CIMIP2C: variants seen among roughly 807,000 people sequenced by gnomAD.
The protein encoded by CIMIP2C is UPF0573 protein C2orf70.
the CIMIP2C span, among the ~76,000 whole-genome samples, chr2:26,565,215 T>C: frequency 6.6e-6 from 1 of 152,032 alleles, no homozygotes; most frequent in African/African-American, 2.4e-5. Context: ...CTCAGCCTCC[T>C]GAGTAGCTGG....
At chr2:26,577,607 G>A in the CIMIP2C span, 24 of 1,613,894 alleles carry the variant, frequency 1.5e-5, no homozygotes, top group Middle Eastern at 1.7e-4. Context: ...GAGCCGGAAC[G>A]GTACCCCCTC....
the CIMIP2C span, among the ~76,000 whole-genome samples, chr2:26,576,507 A>T: frequency 3.3e-5 from 5 of 152,162 alleles, no homozygotes; most frequent in East Asian, 9.7e-4. Context: ...AGTCTCTTGG[A>T]TCTGTGGAAT....
chr2:26,571,513 C>T, the CIMIP2C span, among the ~76,000 whole-genome samples: 2 of 152,186 alleles, frequency 1.3e-5, no homozygotes, highest in African/African-American at 4.8e-5. Flanking sequence ...TTGGGGAAGG[C>T]AGGCTGAGCA....
the CIMIP2C span, among the ~76,000 whole-genome samples, chr2:26,574,215 G>A: frequency 6.6e-6 from 1 of 152,298 alleles, no homozygotes; most frequent in African/African-American, 2.4e-5. Flanking sequence ...ATCACAGATG[G>A]CCTCGAATGC....
chr2:26,567,128 C>T, the CIMIP2C span, among the ~76,000 whole-genome samples: 1 of 152,210 alleles, frequency 6.6e-6, no homozygotes, highest in East Asian at 1.9e-4. Context: ...GTAGGCACTG[C>T]CTGTAGCCCA....
chr2:26,571,918 A>G, the CIMIP2C span, among the ~76,000 whole-genome samples: 1 of 132,108 alleles, frequency 7.6e-6, no homozygotes, highest in Non-Finnish European at 1.6e-5. Flanking sequence ...ATGAAATTGA[A>G]TCTTAATAGA....
chr2:26,565,519 A>G, the CIMIP2C span, among the ~76,000 whole-genome samples: 2 of 151,984 alleles, frequency 1.3e-5, no homozygotes, highest in Non-Finnish European at 2.9e-5. Context: ...TATCTCCCCA[A>G]CCGTCATGTG....
the CIMIP2C span, chr2:26,577,763 G>A: frequency 3.0e-6 from 2 of 660,186 alleles, no homozygotes; most frequent in Non-Finnish European, 2.6e-6. Context: ...AGTGCAGAGA[G>A]TGATGGTTAC....
chr2:26,565,384 C>T, the CIMIP2C span, among the ~76,000 whole-genome samples: 1 of 152,206 alleles, frequency 6.6e-6, no homozygotes, highest in Non-Finnish European at 1.5e-5. Flanking sequence ...AGCCACCACG[C>T]CTGGCCTTTT....
the CIMIP2C span, chr2:26,576,019 C>A: frequency 6.2e-7 from 1 of 1,614,214 alleles, no homozygotes. Flanking sequence ...ACACTCCCTT[C>A]AGCCAAGGCG....
chr2:26,577,736 C>G, the CIMIP2C span: 2 of 827,490 alleles, frequency 2.4e-6, no homozygotes, highest in South Asian at 1.6e-5. Flanking sequence ...AGTTGAGGAT[C>G]TTGCCCTAAA....
At chr2:26,573,960 T>A in the CIMIP2C span, among the ~76,000 whole-genome samples, 1 of 152,228 alleles carries the variant, frequency 6.6e-6, no homozygotes, top group African/African-American at 2.4e-5. Flanking sequence ...AGCAGTCCTG[T>A]CAGCAGTCAC....
At chr2:26,564,535 C>T in the CIMIP2C span, among the ~76,000 whole-genome samples, 1 of 152,228 alleles carries the variant, frequency 6.6e-6, no homozygotes, top group Non-Finnish European at 1.5e-5. Flanking sequence ...GCTGCTTTCT[C>T]ATCTAGATCT....
At chr2:26,575,843 G>T in the CIMIP2C span, 1 of 1,568,290 alleles carries the variant, frequency 6.4e-7, no homozygotes, top group South Asian at 1.2e-5. Context: ...GCCTCTCTTG[G>T]AACAGGCCTG....
chr2:26,564,892 C>A, the CIMIP2C span, among the ~76,000 whole-genome samples: 1 of 152,132 alleles, frequency 6.6e-6, no homozygotes, highest in African/African-American at 2.4e-5. Flanking sequence ...TTGCCTGAGC[C>A]CCACGCTGGT....
chr2:26,576,312 A>G, the CIMIP2C span: 1 of 1,105,616 alleles, frequency 9.0e-7, no homozygotes, highest in Non-Finnish European at 1.3e-6. Context: ...AGAGCCCCTG[A>G]GCCAGCAGAG....
At chr2:26,572,253 C>A in the CIMIP2C span, 1 of 1,097,118 alleles carries the variant, frequency 9.1e-7, no homozygotes, top group Non-Finnish European at 1.2e-6. Context: ...CATTCTGTAA[C>A]TAGCATTCAC....
At chr2:26,564,376 A>C in the CIMIP2C span, among the ~76,000 whole-genome samples, 43 of 152,340 alleles carry the variant, frequency 2.8e-4, no homozygotes, top group African/African-American at 1.0e-3. Context: ...TTTCAGAAGC[A>C]GTCCCCAGGG....
chr2:26,575,430 G>A, the CIMIP2C span, among the ~76,000 whole-genome samples: 19 of 152,346 alleles, frequency 1.2e-4, no homozygotes, highest in African/African-American at 4.6e-4. Context: ...GAGTAAATGC[G>A]GGCCCCTGGA....
Sources: allele counts gnomAD v4.1 joint callset (sites outside exome capture counted in the v4.1 genomes callset), GRCh38; gene constraint gnomAD v4.1.1; transcripts MANE v1.5; gene names NCBI Gene and HGNC (gene_info 2026-07-23, HGNC 2026-07-21).